Variants in CLVS1 observed in about 807,000 individuals in gnomAD.
The protein encoded by CLVS1 is clavesin-1.
In CLVS1, 10 loss-of-function variants were observed where a neutral mutation model predicts 33.1. The observed-to-expected ratio is 0.30, with a 90% CI of 0.19 to 0.51. CLVS1 has a LOEUF of 0.51. Among genes scored for constraint, CLVS1 ranks in the 20% least tolerant of loss-of-function variants. The pLI is 0.97. For synonymous variants in CLVS1, 163 were observed against 166.1 expected (o/e 0.98, Z 0.14); for missense variants, 343 against 433.4 (o/e 0.79, Z 1.85).
chr8:61,464,433 G>C (rs1817475778), intron 5 of CLVS1: 1 of 152,282 alleles, frequency 6.6e-6, no homozygotes, highest in African/African-American at 2.4e-5. Context: ...TCTTTAACAA[G>C]GCTCTCATGG....
Position 61,429,752 on chromosome 8 carries a change from C to A in CLVS1, c.631-24389C>A, listed in dbSNP as rs370512696. Among the ~76,000 whole-genome samples the A allele has an allele frequency of 9.2e-5, 14 of 152,226 alleles. No individual in the cohort carries two copies. In the East Asian group the frequency reaches 2.7e-3, roughly 29 times the overall value. Reference sequence around the variant, plus strand: ...TAGAATAGCTTAATTGTATAATTTTCAACAAATATAGTGGCTTTTGGTGGT... The same window carrying A: ...TAGAATAGCTTAATTGTATAATTTTAAACAAATATAGTGGCTTTTGGTGGT... On this transcript the variant is annotated intron_variant, in intron 3 of 5. Transcript: ENST00000325897.
At chr8:61,261,988 G>GTA (rs1554551243) in intron 2 of CLVS1, among the ~76,000 whole-genome samples, 1 of 90,868 alleles carries the variant, frequency 1.1e-5, no homozygotes, top group Admixed American at 1.1e-4. Context: ...GTGTGTGTGT[G>GTA]TGTGTGTGTG....
chr8:61,251,144 A>G (rs1025933219), intron 2 of CLVS1, among the ~76,000 whole-genome samples: 1 of 152,100 alleles, frequency 6.6e-6, no homozygotes, highest in African/African-American at 2.4e-5. Context: ...AATTTTGTCT[A>G]AGGCCTTTTC....
chr8:60,989,441 T>C, the CLVS1 span, among the ~76,000 whole-genome samples: 1 of 152,206 alleles, frequency 6.6e-6, no homozygotes, highest in African/African-American at 2.4e-5. Flanking sequence ...CCTCCCAAAG[T>C]GCAGATTCTT....
At chr8:61,384,216 CCAGG>C (rs1206249872) in intron 3 of CLVS1, among the ~76,000 whole-genome samples, 3 of 152,128 alleles carry the variant, frequency 2.0e-5, no homozygotes, top group Non-Finnish European at 4.4e-5. Flanking sequence ...TGCACAGGCA[CCAGG>C]CAAGGAGCTT....
chr8:61,441,661 C>T (rs1182676577), intron 3 of CLVS1, among the ~76,000 whole-genome samples: 8 of 152,230 alleles, frequency 5.3e-5, no homozygotes, highest in South Asian at 4.2e-4. Context: ...ACTGAGCCAA[C>T]GGCCACGGGT....
chr8:61,463,922 A>T lies in CLVS1; in HGVS notation c.977+5380A>T, dbSNP rs186341991. On this transcript the variant is annotated intron_variant, in intron 5 of 5. Transcript: ENST00000325897. Reference sequence around the variant, plus strand: ...TATCTACTAAAAAAATACAAAAAAAAATTAGCCAGGTTTTGCGGTGGGTGC... The same window carrying T: ...TATCTACTAAAAAAATACAAAAAAATATTAGCCAGGTTTTGCGGTGGGTGC... Among the ~76,000 whole-genome samples the T allele has an allele frequency of 2.8e-3, 419 of 151,896 alleles. 1 individual carries two copies. The highest frequency in any genetic ancestry group is 9.7e-3 in the African/African-American group (403 of 41,416).
intron 2 of CLVS1, among the ~76,000 whole-genome samples, chr8:61,303,646 G>A (rs1031920144): frequency 9.2e-5 from 14 of 152,132 alleles, no homozygotes; most frequent in African/African-American, 2.4e-4. Context: ...CCAAATATTC[G>A]ATGCAAACAA....
At chr8:61,495,898 C>A (rs549024619) in intron 5 of CLVS1, among the ~76,000 whole-genome samples, 1 of 152,270 alleles carries the variant, frequency 6.6e-6, no homozygotes, top group African/African-American at 2.4e-5. Context: ...GTTTTAGAAA[C>A]CTTGGCACAA....
At chr8:61,217,686 C>G (rs763671886) in intron 2 of CLVS1, among the ~76,000 whole-genome samples, 27 of 152,226 alleles carry the variant, frequency 1.8e-4, no homozygotes, top group Middle Eastern at 3.4e-3. Flanking sequence ...TACTTCTGCA[C>G]AGCAAAAGGA....
the CLVS1 span, among the ~76,000 whole-genome samples, chr8:61,021,600 G>A: frequency 6.6e-6 from 1 of 151,778 alleles, no homozygotes; most frequent in Non-Finnish European, 1.5e-5. Flanking sequence ...GACCTCAGGT[G>A]ATCCACCTGC....
At chr8:61,260,403 T>C (rs1242118375) in intron 2 of CLVS1, among the ~76,000 whole-genome samples, 4 of 152,174 alleles carry the variant, frequency 2.6e-5, no homozygotes, top group Admixed American at 1.3e-4. Context: ...AGCAAACACA[T>C]AGTCCAAAGG....
At chr8:61,169,785 G>A (rs1806956185) in intron 2 of CLVS1, among the ~76,000 whole-genome samples, 1 of 152,184 alleles carries the variant, frequency 6.6e-6, no homozygotes, top group South Asian at 2.1e-4. Context: ...TCTCATATTT[G>A]TGAGACTCCC....
intron 2 of CLVS1, among the ~76,000 whole-genome samples, chr8:61,313,843 T>C (rs949142265): frequency 1.3e-5 from 2 of 152,120 alleles, no homozygotes; most frequent in Non-Finnish European, 1.5e-5. Context: ...GCCTAGCCCT[T>C]GCCTACTGAT....
At chr8:61,387,747 G>C (rs1200181707) in intron 3 of CLVS1, among the ~76,000 whole-genome samples, 1 of 152,080 alleles carries the variant, frequency 6.6e-6, no homozygotes, top group Non-Finnish European at 1.5e-5. Flanking sequence ...TTCCATTCCT[G>C]AGTTAGTTCA....
At chr8:61,207,460 A>T (rs1223999431) in intron 2 of CLVS1, among the ~76,000 whole-genome samples, 1 of 145,092 alleles carries the variant, frequency 6.9e-6, no homozygotes, top group Non-Finnish European at 1.5e-5. Flanking sequence ...TGACCCCAGC[A>T]TCCTAATTCA....
intron 3 of CLVS1, among the ~76,000 whole-genome samples, chr8:61,424,881 TA>T (rs991957320): frequency 2.0e-5 from 3 of 152,212 alleles, no homozygotes; most frequent in African/African-American, 7.2e-5. Context: ...GCAATGCAAA[TA>T]AAATTATCTC....
intron 2 of CLVS1, among the ~76,000 whole-genome samples, chr8:61,177,945 A>G (rs1807150439): frequency 6.6e-6 from 1 of 151,742 alleles, no homozygotes; most frequent in African/African-American, 2.4e-5. Context: ...TCTCCTCCAA[A>G]TAATCACTAC....
intron 5 of CLVS1, among the ~76,000 whole-genome samples, chr8:61,473,376 T>C (rs1013748212): frequency 1.4e-5 from 2 of 142,720 alleles, no homozygotes; most frequent in Middle Eastern, 3.5e-3. Context: ...ACCAGAAACA[T>C]TGGAGAGCAG....
Sources: gnomAD v4.1 joint callset for allele counts (sites outside exome capture counted in the v4.1 genomes callset) on GRCh38, gnomAD v4.1.1 for gene constraint, MANE v1.5 for transcripts, NCBI Gene and HGNC (gene_info 2026-07-23, HGNC 2026-07-21) for gene names.